CFAP221: variants seen among roughly 807,000 people sequenced by gnomAD.
CFAP221 encodes the protein cilia- and flagella-associated protein 221.
Under a neutral mutation model 113.1 loss-of-function variants are expected in CFAP221, and 97 were observed. That is an observed-to-expected ratio of 0.86 (90% CI 0.73 to 1.02). The LOEUF (loss-of-function observed/expected upper bound fraction) is 1.02, where lower values mean the gene tolerates loss of function less well. Among genes scored for constraint, CFAP221 ranks in the 50% least tolerant of loss-of-function variants. CFAP221 has a pLI of 0.00. For missense variants in CFAP221, 1,025 were observed against 1,013.4 expected, an observed-to-expected ratio of 1.01 and a Z score of -0.16; for synonymous variants, 331 against 354.4, an observed-to-expected ratio of 0.93 and a Z score of 0.74.
chr2:119,637,577 G>A (rs905011887), intron 19 of CFAP221, among the ~76,000 whole-genome samples: 2 of 152,098 alleles, frequency 1.3e-5, no homozygotes, highest in African/African-American at 4.8e-5. Context: ...AGGGAGGGGC[G>A]CTACGTTGTT....
At chr2:119,623,417 A>G (rs1182782622) in intron 14 of CFAP221, among the ~76,000 whole-genome samples, 2 of 152,232 alleles carry the variant, frequency 1.3e-5, no homozygotes, top group East Asian at 3.8e-4. Context: ...GGAAGAATCA[A>G]TATTGTGAAA....
At chr2:119,652,515 G>A (rs1688188296) in intron 23 of CFAP221, among the ~76,000 whole-genome samples, 1 of 152,170 alleles carries the variant, frequency 6.6e-6, no homozygotes, top group African/African-American at 2.4e-5. Context: ...GCAAATGTAA[G>A]GATGAAATGA....
intron 13 of CFAP221, among the ~76,000 whole-genome samples, chr2:119,614,816 T>G (rs1363511171): frequency 6.6e-6 from 1 of 152,230 alleles, no homozygotes; most frequent in Non-Finnish European, 1.5e-5. Flanking sequence ...ATTCTCACTT[T>G]TCTTTGCTAG....
At chr2:119,559,879 C>G (rs1357190707) in intron 4 of CFAP221, 49 bp from the exon 5 acceptor site, 11 of 1,494,882 alleles carry the variant, frequency 7.4e-6, no homozygotes, top group African/African-American at 1.4e-5. Flanking sequence ...CGGTGCTGCT[C>G]TCTGTGCAGT....
At chr2:119,605,926 T>C (rs1179696481) in intron 11 of CFAP221, among the ~76,000 whole-genome samples, 1 of 152,178 alleles carries the variant, frequency 6.6e-6, no homozygotes, top group East Asian at 1.9e-4. Flanking sequence ...TAAATGTTCA[T>C]AGCAGCATTA....
At position 119,587,174 on chromosome 2, in the gene CFAP221, A is replaced by T; in HGVS notation, c.583A>T (p.Ile195Phe). The T allele has an allele frequency of 6.5e-7, 1 of 1,533,342 alleles. No homozygotes were observed. The highest frequency in any genetic ancestry group is 1.2e-5 in the South Asian group (1 of 83,452). 95.0% of individuals were successfully genotyped at this position (1,533,342 alleles called of 1,614,324 possible). A position where few individuals can be genotyped will look rare whatever the true frequency, so the allele number is the denominator to read the frequency against. ...CSCPVDFEFY[I>F]TLIQSHQAFA... The stretch of plus-strand genomic sequence containing the variant: ...CTGCCCTGTAGATTTTGAGTTTTAT[A>T]TCACCTTGATTCAGTCTCATCAAGC... The change falls in exon 7 of 24, where the codon ATC becomes TTC. Residue 195 changes from isoleucine to phenylalanine, a missense_variant. By Grantham distance (21) the Ile-to-Phe change is conservative. Coordinates refer to ENST00000413369, the MANE Select transcript of CFAP221 (RefSeq NM_001271049.2).
chr2:119,559,353 T>C (rs1203933032), intron 3 of CFAP221, among the ~76,000 whole-genome samples: 1 of 151,394 alleles, frequency 6.6e-6, no homozygotes. Context: ...ATCGCAGGAC[T>C]AAATTGAATT....
chr2:119,602,250 T>C (rs1301798365), intron 8 of CFAP221, among the ~76,000 whole-genome samples: 1 of 152,108 alleles, frequency 6.6e-6, no homozygotes, highest in Non-Finnish European at 1.5e-5. Flanking sequence ...CGTGGCATCC[T>C]GTCTGTAATC....
At chr2:119,625,857 G>C in intron 15 of CFAP221, 169 bp downstream of exon 15, 3 of 597,760 alleles carry the variant, frequency 5.0e-6, no homozygotes, top group Non-Finnish European at 8.9e-6. Context: ...GCTTCCTCTT[G>C]TCACCAGAGA....
rs992467706 is a variant in CFAP221, at chr2:119,604,668, A to G, written c.792-4A>G. On this transcript the variant is annotated splice_polypyrimidine_tract_variant and splice_region_variant and intron_variant, in intron 8 of 23. Coordinates refer to ENST00000413369, the MANE Select transcript of CFAP221 (RefSeq NM_001271049.2). Reference sequence around the variant, plus strand: ...ACTAATTTAACACTTGTTTTAACCTATAGATTAGAAGAGTTTGAAAGGTTG... The same window carrying G: ...ACTAATTTAACACTTGTTTTAACCTGTAGATTAGAAGAGTTTGAAAGGTTG... 1.9e-6 allele frequency: 3 copies of G among 1,547,966 alleles called. No individual in the cohort carries two copies. Among genetic ancestry groups the G allele is most frequent in the Non-Finnish European group, 8.7e-7 (1 of 1,155,578 alleles).
chr2:119,590,657 T>C (rs1558940210), intron 7 of CFAP221, among the ~76,000 whole-genome samples: 1 of 152,230 alleles, frequency 6.6e-6, no homozygotes, highest in Non-Finnish European at 1.5e-5. Context: ...CTGGTTCCTT[T>C]TTGCATCTTT....
Position 119,646,985 on chromosome 2 carries a change from T to A in CFAP221, c.2253T>A (p.Leu751=). ...KSCDSFNSFM[L]PIDVPAILDA... is the part of the protein sequence containing the mutation. ...GCGATTCCTTCAATTCATTTATGCT[T>A]CCGATAGACGTCCCTGCCATCCTTG... Residue 751 remains leucine, a synonymous_variant, in exon 22 of 24, where the codon CTT becomes CTA. Coordinates refer to ENST00000413369, the MANE Select transcript of CFAP221 (RefSeq NM_001271049.2). The A allele has an allele frequency of 6.2e-7, 1 of 1,614,028 alleles. No individual in the cohort carries two copies. Among genetic ancestry groups the A allele is most frequent in the Non-Finnish European group, 8.5e-7 (1 of 1,179,942 alleles).
intron 14 of CFAP221, among the ~76,000 whole-genome samples, chr2:119,618,556 C>T (rs560554290): frequency 1.3e-5 from 2 of 152,290 alleles, no homozygotes; most frequent in Non-Finnish European, 2.9e-5. Flanking sequence ...CACTCCAGCC[C>T]AGATACTACA....
intron 21 of CFAP221, among the ~76,000 whole-genome samples, chr2:119,643,608 G>A (rs1479516462): frequency 2.0e-5 from 3 of 152,062 alleles, no homozygotes; most frequent in Admixed American, 6.5e-5. Context: ...GCAGTGGCAC[G>A]ATCTCAGCTC....
At chr2:119,553,698 A>T (rs1454657132) in intron 3 of CFAP221, among the ~76,000 whole-genome samples, 3 of 152,096 alleles carry the variant, frequency 2.0e-5, no homozygotes, top group Admixed American at 2.0e-4. Context: ...GGGTAATTTC[A>T]CCCCCACTGA....
At chr2:119,612,749 C>T (rs1328037177) in intron 13 of CFAP221, among the ~76,000 whole-genome samples, 1 of 152,134 alleles carries the variant, frequency 6.6e-6, no homozygotes, top group Non-Finnish European at 1.5e-5. Context: ...GGAACACAGC[C>T]AAACCATATC....
chr2:119,609,586 CAT>C (rs1239872664), intron 12 of CFAP221, among the ~76,000 whole-genome samples: 1 of 152,126 alleles, frequency 6.6e-6, no homozygotes, highest in Non-Finnish European at 1.5e-5. Context: ...GGGCACCAGT[CAT>C]ATTGGATTAA....
intron 7 of CFAP221, among the ~76,000 whole-genome samples, chr2:119,591,344 G>A (rs562130400): frequency 2.0e-5 from 3 of 152,342 alleles, no homozygotes; most frequent in South Asian, 2.1e-4. Flanking sequence ...ATGACACACT[G>A]AAGAAGTCAG....
At chr2:119,650,402 A>G (rs1416920243) in intron 22 of CFAP221, among the ~76,000 whole-genome samples, 1 of 152,238 alleles carries the variant, frequency 6.6e-6, no homozygotes, top group Non-Finnish European at 1.5e-5. Flanking sequence ...GGGATGATTC[A>G]TATTTGCTTC....
Sources: allele counts gnomAD v4.1 joint callset (sites outside exome capture counted in the v4.1 genomes callset), GRCh38; gene constraint gnomAD v4.1.1; transcripts MANE v1.5; gene names NCBI Gene and HGNC (gene_info 2026-07-23, HGNC 2026-07-21).